Variants in ERBB4 observed in about 807,000 individuals in gnomAD.
ERBB4 encodes the protein erb-b2 receptor tyrosine kinase 4.
Under a neutral mutation model 158.0 loss-of-function variants are expected in ERBB4, and 42 were observed. The observed-to-expected ratio is 0.27, with a 90% CI of 0.21 to 0.34. The LOEUF (loss-of-function observed/expected upper bound fraction) is 0.34, where lower values mean the gene tolerates loss of function less well. Ranked by LOEUF, ERBB4 falls within the 10% of genes least tolerant of loss-of-function variation. The pLI is 1.00. For missense variants in ERBB4, 1,333 were observed against 1,624.1 expected, an observed-to-expected ratio of 0.82 and a Z score of 3.08; for synonymous variants, 583 against 558.7, an observed-to-expected ratio of 1.04 and a Z score of -0.61.
chr2:211,711,306 A>G (rs888194051), intron 9 of ERBB4, among the ~76,000 whole-genome samples: 6 of 152,162 alleles, frequency 3.9e-5, no homozygotes, highest in African/African-American at 1.2e-4. Context: ...TTTGAATTAA[A>G]ATATATGAGA....
chr2:212,304,637 C>T (rs2086741643), intron 1 of ERBB4, among the ~76,000 whole-genome samples: 1 of 151,486 alleles, frequency 6.6e-6, no homozygotes, highest in Non-Finnish European at 1.5e-5. Flanking sequence ...TAAATCAGAA[C>T]TGGACCAGAA....
intron 7 of ERBB4, among the ~76,000 whole-genome samples, chr2:211,716,451 C>A (rs1484886277): frequency 3.4e-5 from 5 of 145,690 alleles, no homozygotes; most frequent in Non-Finnish European, 7.4e-5. Context: ...CCAAGGTGGG[C>A]GGATCACGAG....
intron 1 of ERBB4, among the ~76,000 whole-genome samples, chr2:212,323,409 G>A (rs12694275): frequency 0.12 from 17,354 of 150,210 alleles, 2,169 homozygotes; most frequent in African/African-American, 0.27. Flanking sequence ...AAAAGCATGG[G>A]AGTTAGGAAA....
At chr2:211,474,054 A>C (rs986473944) in intron 20 of ERBB4, among the ~76,000 whole-genome samples, 1 of 152,142 alleles carries the variant, frequency 6.6e-6, no homozygotes, top group Non-Finnish European at 1.5e-5. Context: ...TCTTGTATAT[A>C]AATGGCCAAA....
At chr2:212,065,024 TGTGTTG>T (rs1422656550) in intron 2 of ERBB4, among the ~76,000 whole-genome samples, 125 of 144,154 alleles carry the variant, frequency 8.7e-4, no homozygotes, top group Non-Finnish European at 1.4e-4. Flanking sequence ...TGTGTGTGTG[TGTGTTG>T]TGTGTGTGTG....
chr2:211,559,159 A>T (rs1266061806), intron 20 of ERBB4, among the ~76,000 whole-genome samples: 1 of 152,070 alleles, frequency 6.6e-6, no homozygotes. Flanking sequence ...ACTCATAGCT[A>T]ATCAATAATT....
intron 2 of ERBB4, among the ~76,000 whole-genome samples, chr2:212,091,397 G>A (rs1463001928): frequency 1.3e-5 from 2 of 152,104 alleles, no homozygotes; most frequent in African/African-American, 4.8e-5. Context: ...ATTGGGATAT[G>A]ACTTACATCC....
intron 1 of ERBB4, among the ~76,000 whole-genome samples, chr2:212,172,297 GTT>G (rs138142623): frequency 6.6e-6 from 1 of 151,742 alleles, no homozygotes; most frequent in Non-Finnish European, 1.5e-5. Flanking sequence ...AAAAAGGAAT[GTT>G]TTTTTTACTG....
intron 20 of ERBB4, among the ~76,000 whole-genome samples, chr2:211,475,355 T>C (rs932725046): frequency 2.6e-5 from 4 of 152,232 alleles, no homozygotes; most frequent in African/African-American, 9.6e-5. Flanking sequence ...AACTACTTGA[T>C]GACAATAATG....
chr2:211,581,321 A>G (rs2068097466), intron 19 of ERBB4, among the ~76,000 whole-genome samples: 1 of 152,130 alleles, frequency 6.6e-6, no homozygotes, highest in African/African-American at 2.4e-5. Context: ...AAAAAGAAAA[A>G]CATTACATTT....
At chr2:211,697,765 A>C (rs1160930812) in intron 12 of ERBB4, among the ~76,000 whole-genome samples, 1 of 152,184 alleles carries the variant, frequency 6.6e-6, no homozygotes, top group Non-Finnish European at 1.5e-5. Flanking sequence ...TTACTATCCC[A>C]CAGTGTTTGG....
At chr2:212,443,674 C>T (rs991971371) in intron 1 of ERBB4, among the ~76,000 whole-genome samples, 1 of 152,222 alleles carries the variant, frequency 6.6e-6, no homozygotes, top group Non-Finnish European at 1.5e-5. Flanking sequence ...AACTGCTCTG[C>T]CACTTGGGCC....
At chr2:211,978,643 C>T (rs753077617) in intron 2 of ERBB4, among the ~76,000 whole-genome samples, 1 of 152,096 alleles carries the variant, frequency 6.6e-6, no homozygotes, top group Non-Finnish European at 1.5e-5. Context: ...CTATTTTAGA[C>T]TTTATATGGT....
chr2:212,331,064 A>ATATATATATATATATATATACACG, intron 1 of ERBB4, among the ~76,000 whole-genome samples: 1 of 126,378 alleles, frequency 7.9e-6, no homozygotes, highest in Non-Finnish European at 1.7e-5. Context: ...ATTTGTATAT[A>ATATATATATATATATATATACACG]TATATATACA....
intron 20 of ERBB4, among the ~76,000 whole-genome samples, chr2:211,556,242 C>T (rs1424259686): frequency 6.6e-6 from 1 of 152,196 alleles, no homozygotes; most frequent in East Asian, 1.9e-4. Context: ...ACCTAACTAT[C>T]CTAAATATAT....
chr2:211,965,755 TAAG>T (rs2081294221), intron 2 of ERBB4, among the ~76,000 whole-genome samples: 1 of 152,174 alleles, frequency 6.6e-6, no homozygotes, highest in Non-Finnish European at 1.5e-5. Flanking sequence ...ATTTTATAAT[TAAG>T]AAGGCCATTG....
chr2:212,188,228 CTCTCT>C (rs1559691444), intron 1 of ERBB4, among the ~76,000 whole-genome samples: 46 of 34,006 alleles, frequency 1.4e-3, no homozygotes, highest in African/African-American at 1.8e-3. Flanking sequence ...CTCTCTCTCT[CTCTCT>C]CCCCCCCCCT....
At chr2:211,420,371 G>A (rs1032146697) in intron 25 of ERBB4, 70 bp downstream of exon 25, 5 of 1,083,714 alleles carry the variant, frequency 4.6e-6, no homozygotes, top group Non-Finnish European at 7.0e-6. Flanking sequence ...TGAAATGTTA[G>A]TGCTTATGAA....
intron 20 of ERBB4, among the ~76,000 whole-genome samples, chr2:211,507,714 C>G (rs1439285250): frequency 6.6e-6 from 1 of 152,088 alleles, no homozygotes; most frequent in African/African-American, 2.4e-5. Flanking sequence ...GGAGGCATCA[C>G]ACTACCTGAC....
Sources: gnomAD v4.1 joint callset for allele counts (sites outside exome capture counted in the v4.1 genomes callset) on GRCh38, gnomAD v4.1.1 for gene constraint, MANE v1.5 for transcripts, NCBI Gene and HGNC (gene_info 2026-07-23, HGNC 2026-07-21) for gene names.